The following FANCB variants were observed in gnomAD, a reference collection of about 807,000 sequenced individuals.
The protein encoded by FANCB is Fanconi anemia group B protein.
In FANCB, 5 loss-of-function variants were observed where a neutral mutation model predicts 38.9. The ratio of observed to expected loss-of-function variants is 0.13; its 90% CI spans 0.07 to 0.27. FANCB has a LOEUF of 0.27. Ranked by LOEUF, FANCB falls within the 10% of genes least tolerant of loss-of-function variation. The probability of loss-of-function intolerance (pLI) is 1.00; values close to 1 mark genes in which losing one functional copy is unlikely to be tolerated. For synonymous variants in FANCB, 236 were observed against 215.4 expected (o/e 1.10, Z -0.84); for missense variants, 573 against 602.7 (o/e 0.95, Z 0.52).
the FANCB span, among the ~76,000 whole-genome samples, chrX:14,794,158 A>T: frequency 5.4e-5 from 6 of 111,784 alleles, no homozygotes; most frequent in South Asian, 2.2e-3. Context: ...AGTCAAAGAC[A>T]GCCCCAGCCA....
the FANCB span, among the ~76,000 whole-genome samples, chrX:14,828,083 T>C: frequency 8.9e-6 from 1 of 112,437 alleles, no homozygotes; most frequent in Non-Finnish European, 1.9e-5. Flanking sequence ...AACCATAATA[T>C]ATATAATACA....
At chrX:14,782,288 G>A in the FANCB span, among the ~76,000 whole-genome samples, 2 of 112,077 alleles carry the variant, frequency 1.8e-5, no homozygotes, top group Non-Finnish European at 3.8e-5. Flanking sequence ...GTGGGAGCTA[G>A]CACAAAAACC....
the FANCB span, among the ~76,000 whole-genome samples, chrX:14,728,628 T>C: frequency 8.9e-6 from 1 of 111,877 alleles, no homozygotes; most frequent in East Asian, 2.8e-4. Flanking sequence ...TGTTCAGCCA[T>C]GTTTAGGGCT....
At chrX:14,767,251 T>C in the FANCB span, among the ~76,000 whole-genome samples, 1 of 111,855 alleles carries the variant, frequency 8.9e-6, no homozygotes, top group Non-Finnish European at 1.9e-5. Flanking sequence ...TCTAGGTCTT[T>C]GATGAATCAC....
At chrX:14,834,456 G>T (rs190409107), downstream of FANCB, 2,007 of 473,208 alleles carry the variant, frequency 4.2e-3, 8 homozygotes, top group Non-Finnish European at 6.6e-3. Flanking sequence ...TTAATAAATT[G>T]TTTAAACTAT....
chrX:14,695,705 C>T, the FANCB span, among the ~76,000 whole-genome samples: 1 of 111,923 alleles, frequency 8.9e-6, no homozygotes, highest in Admixed American at 9.4e-5. Flanking sequence ...TGGTTGCTAG[C>T]CAATTGGTAT....
At chrX:14,802,051 C>G in the FANCB span, among the ~76,000 whole-genome samples, 1 of 111,534 alleles carries the variant, frequency 9.0e-6, no homozygotes, top group Non-Finnish European at 1.9e-5. Context: ...TGAATCATGG[C>G]TCCTTATGGT....
At chrX:14,775,160 G>GTTTTTTT in the FANCB span, among the ~76,000 whole-genome samples, 29 of 35,012 alleles carry the variant, frequency 8.3e-4, 5 homozygotes, top group Middle Eastern at 0.03. Flanking sequence ...TTTCTCTAAT[G>GTTTTTTT]TTTTTTTTTT....
chrX:14,724,663 A>G, the FANCB span, among the ~76,000 whole-genome samples: 2 of 106,365 alleles, frequency 1.9e-5, no homozygotes, highest in Admixed American at 2.0e-4. Flanking sequence ...CAAGAAGAAG[A>G]ATGGCAGTTG....
downstream of FANCB, among the ~76,000 whole-genome samples, chrX:14,833,247 G>A (rs1329286440): frequency 9.0e-6 from 1 of 110,528 alleles, no homozygotes; most frequent in Non-Finnish European, 1.9e-5. Context: ...GGATTACCTT[G>A]TATTTATCCA....
chrX:14,844,779 C>T (rs2092368857), intron 8 of FANCB, 39 bp from the exon 9 acceptor site: 1 of 1,153,929 alleles, frequency 8.7e-7, no homozygotes, highest in Admixed American at 2.2e-5. Context: ...TAAACTCTGC[C>T]CATTATCAGA....
At chrX:14,736,432 G>A in the FANCB span, among the ~76,000 whole-genome samples, 1 of 111,901 alleles carries the variant, frequency 8.9e-6, no homozygotes, top group Non-Finnish European at 1.9e-5. Flanking sequence ...ATAGTATCTG[G>A]GCTGAAATGC....
chrX:14,789,971 A>G, the FANCB span, among the ~76,000 whole-genome samples: 1 of 112,384 alleles, frequency 8.9e-6, no homozygotes, highest in Admixed American at 9.5e-5. Flanking sequence ...ATTAATGCAT[A>G]TTAAGTGACA....
At chrX:14,784,344 G>A in the FANCB span, among the ~76,000 whole-genome samples, 2 of 112,223 alleles carry the variant, frequency 1.8e-5, no homozygotes, top group South Asian at 7.4e-4. Flanking sequence ...GGAGGTCCTA[G>A]AGGATAATTC....
the FANCB span, among the ~76,000 whole-genome samples, chrX:14,809,964 G>A: frequency 5.4e-5 from 6 of 111,820 alleles, no homozygotes; most frequent in Non-Finnish European, 7.5e-5. Flanking sequence ...TCACACGGCC[G>A]GGTACCCCTC....
downstream of FANCB, chrX:14,834,811 C>T (rs1262781956): frequency 1.8e-6 from 1 of 563,180 alleles, no homozygotes; most frequent in African/African-American, 2.3e-5. Context: ...TCCTCATCAT[C>T]AAAATCATCA....
chrX:14,727,081 AGGT>A, the FANCB span, among the ~76,000 whole-genome samples: 1 of 112,060 alleles, frequency 8.9e-6, no homozygotes, highest in African/African-American at 3.2e-5. Flanking sequence ...AATATAGAAT[AGGT>A]TGTACATTTT....
the FANCB span, among the ~76,000 whole-genome samples, chrX:14,823,456 A>T: frequency 8.9e-6 from 1 of 111,906 alleles, no homozygotes; most frequent in East Asian, 2.8e-4. Flanking sequence ...ACACATGAAG[A>T]AATGCACAAA....
At chrX:14,698,336 C>A in the FANCB span, among the ~76,000 whole-genome samples, 1 of 110,994 alleles carries the variant, frequency 9.0e-6, no homozygotes, top group Non-Finnish European at 1.9e-5. Flanking sequence ...TTAATTTTCA[C>A]AGAAATGCAT....
Sources: allele counts gnomAD v4.1 joint callset (sites outside exome capture counted in the v4.1 genomes callset), GRCh38; gene constraint gnomAD v4.1.1; transcripts MANE v1.5; gene names NCBI Gene and HGNC (gene_info 2026-07-23, HGNC 2026-07-21).